Variants in EPHA3 observed in about 807,000 individuals in gnomAD.
EPHA3 encodes ephrin type-A receptor 3.
In EPHA3, 42 loss-of-function variants were observed where a neutral mutation model predicts 107.1. The observed-to-expected ratio is 0.39, with a 90% CI of 0.31 to 0.51. EPHA3 has a LOEUF of 0.51. Ranked by LOEUF, EPHA3 falls within the 20% of genes least tolerant of loss-of-function variation. EPHA3 has a pLI of 0.78. For synonymous variants in EPHA3, 461 were observed against 424.8 expected (o/e 1.09, Z -1.05); for missense variants, 1,183 against 1,211.2 (o/e 0.98, Z 0.35).
intron 16 of EPHA3, 123 bp from the exon 17 acceptor site, chr3:89,479,274 A>C: frequency 1.3e-6 from 1 of 746,572 alleles, no homozygotes. Context: ...CAGATGATGC[A>C]AATATCAGAC....
At chr3:89,171,845 AAATGCATGACTC>A (rs1275173490) in intron 2 of EPHA3, among the ~76,000 whole-genome samples, 2 of 152,198 alleles carry the variant, frequency 1.3e-5, no homozygotes, top group African/African-American at 4.8e-5. Flanking sequence ...TGCCATGTTT[AAATGCATGACTC>A]AGAGATGTGC....
At chr3:89,145,313 C>T (rs1704518107) in intron 2 of EPHA3, among the ~76,000 whole-genome samples, 1 of 151,220 alleles carries the variant, frequency 6.6e-6, no homozygotes, top group Non-Finnish European at 1.5e-5. Context: ...GTGTATTTAC[C>T]TTTATATAGA....
In EPHA3 at chr3:89,384,282, G is replaced by T. The variant is rs534077773; in HGVS notation, c.1307-11555G>T. ...ATATTGCCTAAAGCAATCCTGCATT[G>T]GTTGGGGACTCGGGCTATTAAAATT... On this transcript the variant is annotated intron_variant, in intron 5 of 16. Transcript: ENST00000336596. Among the ~76,000 whole-genome samples the T allele has an allele frequency of 7.9e-5, 12 of 152,120 alleles. No individual in the cohort carries two copies. The South Asian group carries it at 2.1e-3, about 26-fold the overall frequency.
intron 5 of EPHA3, among the ~76,000 whole-genome samples, chr3:89,356,805 CAAAGGCACACAT>C (rs893415196): frequency 4.0e-5 from 6 of 150,468 alleles, no homozygotes; most frequent in Non-Finnish European, 4.5e-5. Flanking sequence ...GAACAAGAAC[CAAAGGCACACAT>C]AAAATAAGAA....
At chr3:89,216,138 A>G (rs1249684228) in intron 3 of EPHA3, among the ~76,000 whole-genome samples, 1 of 151,970 alleles carries the variant, frequency 6.6e-6, no homozygotes, top group Non-Finnish European at 1.5e-5. Context: ...GTGTCCATTA[A>G]GCAGTTTATT....
chr3:89,211,178 T>G (rs1294504003), intron 3 of EPHA3, among the ~76,000 whole-genome samples: 2 of 152,094 alleles, frequency 1.3e-5, no homozygotes, highest in African/African-American at 4.8e-5. Context: ...TAGGCTTGAA[T>G]GCATATTTGA....
In EPHA3 at chr3:89,286,814, T is replaced by C. The variant is rs567445793; in HGVS notation, c.815-54102T>C. 7.9e-5 allele frequency among the ~76,000 whole-genome samples: 12 copies of C among 152,274 alleles called. No individual in the cohort carries two copies. The East Asian group carries it at 2.1e-3, about 27-fold the overall frequency. ...AAACAGAAATAATGTGTTGATTCAC[T>C]TCAACATCAAGAGGTATGCATATCA... On this transcript the variant is annotated intron_variant, in intron 3 of 16. Coordinates refer to ENST00000336596, the MANE Select transcript of EPHA3 (RefSeq NM_005233.6).
chr3:89,437,969 A>G (rs1381495206), intron 13 of EPHA3, among the ~76,000 whole-genome samples: 2 of 152,132 alleles, frequency 1.3e-5, no homozygotes, highest in African/African-American at 4.8e-5. Flanking sequence ...CTTAGTAAGT[A>G]CTAACTAGAT....
chr3:89,381,688 A>T (rs947381514), intron 5 of EPHA3, among the ~76,000 whole-genome samples: 1 of 151,752 alleles, frequency 6.6e-6, no homozygotes, highest in Non-Finnish European at 1.5e-5. Flanking sequence ...AAAAAAAATT[A>T]GGACATGAGC....
At chr3:89,365,718 A>G (rs1204300624) in intron 5 of EPHA3, among the ~76,000 whole-genome samples, 1 of 150,644 alleles carries the variant, frequency 6.6e-6, no homozygotes, top group African/African-American at 2.4e-5. Context: ...CATCAACAAT[A>G]CCAACAAGTA....
At chr3:89,271,055 T>C (rs1316985958) in intron 3 of EPHA3, among the ~76,000 whole-genome samples, 3 of 152,054 alleles carry the variant, frequency 2.0e-5, no homozygotes, top group Non-Finnish European at 4.4e-5. Flanking sequence ...CTACTATTTG[T>C]AGCTATTGTA....
At chr3:89,263,899 C>T (rs1365016936) in intron 3 of EPHA3, among the ~76,000 whole-genome samples, 1 of 152,022 alleles carries the variant, frequency 6.6e-6, no homozygotes, top group Admixed American at 6.5e-5. Context: ...TCACTATTTC[C>T]AAGTAAGGTT....
intron 5 of EPHA3, among the ~76,000 whole-genome samples, chr3:89,349,868 A>T (rs1422156207): frequency 0.019 from 2,645 of 139,534 alleles, 36 homozygotes; most frequent in African/African-American, 0.074. Flanking sequence ...TTTCTCCTTC[A>T]CTTATGAAGC....
intron 2 of EPHA3, among the ~76,000 whole-genome samples, chr3:89,130,604 C>T (rs1704185064): frequency 6.9e-6 from 1 of 145,896 alleles, no homozygotes; most frequent in South Asian, 2.2e-4. Context: ...AGGTAATTTT[C>T]TTGGGAGTAG....
At chr3:89,280,975 T>G (rs942724777) in intron 3 of EPHA3, among the ~76,000 whole-genome samples, 10 of 151,712 alleles carry the variant, frequency 6.6e-5, no homozygotes, top group Non-Finnish European at 1.5e-4. Context: ...TCACATATTA[T>G]CTAACCATAT....
intron 3 of EPHA3, among the ~76,000 whole-genome samples, chr3:89,312,483 T>C (rs1045566366): frequency 4.0e-5 from 6 of 151,684 alleles, no homozygotes; most frequent in African/African-American, 7.2e-5. Context: ...ATTGTGTGCA[T>C]TTTGCCTCAG....
intron 13 of EPHA3, among the ~76,000 whole-genome samples, chr3:89,448,586 T>C (rs187195934): frequency 1.5e-4 from 23 of 152,334 alleles, no homozygotes; most frequent in African/African-American, 5.5e-4. Context: ...TCTGGGAATG[T>C]AATTATTATG....
At position 89,450,390 on chromosome 3, in the gene EPHA3, A is replaced by T. The variant is rs1262243776; in HGVS notation, c.2690+20A>T. 1.9e-6 allele frequency: 3 copies of T among 1,595,710 alleles called. No homozygotes were observed. Among genetic ancestry groups the T allele is most frequent in the Non-Finnish European group, 2.6e-6 (3 of 1,169,204 alleles). On this transcript the variant is annotated intron_variant, in intron 15 of 16. Coordinates refer to ENST00000336596, the MANE Select transcript of EPHA3 (RefSeq NM_005233.6). ...CGCAAGGTGACACATTCAATTTGTTATCTGGCATTCACTCTGAAATTTGTG... is the reference window on the plus strand; with the variant it reads ...CGCAAGGTGACACATTCAATTTGTTTTCTGGCATTCACTCTGAAATTTGTG...
chr3:89,120,128 T>G (rs1171011597), intron 1 of EPHA3, among the ~76,000 whole-genome samples: 6 of 152,194 alleles, frequency 3.9e-5, no homozygotes, highest in African/African-American at 1.4e-4. Context: ...AACTGCTATT[T>G]CCCTTAATGA....
Sources: allele counts gnomAD v4.1 joint callset (sites outside exome capture counted in the v4.1 genomes callset), GRCh38; gene constraint gnomAD v4.1.1; transcripts MANE v1.5; gene names NCBI Gene and HGNC (gene_info 2026-07-23, HGNC 2026-07-21).